Variants in FGD2 observed in about 807,000 individuals in gnomAD.
FGD2 encodes the protein FYVE, RhoGEF and PH domain-containing protein 2.
FGD2 carries 52 observed loss-of-function variants against 75.9 expected under a neutral mutation model. That is an observed-to-expected ratio of 0.69 (90% CI 0.55 to 0.86). FGD2 has a LOEUF of 0.86. Ranked by LOEUF, FGD2 falls within the 40% of genes least tolerant of loss-of-function variation. The pLI, the probability that FGD2 is intolerant of heterozygous loss-of-function variation, is 0.00. For synonymous variants in FGD2, 347 were observed against 348.6 expected, an observed-to-expected ratio of 1.00 and a Z score of 0.05; for missense variants, 790 against 872.0, an observed-to-expected ratio of 0.91 and a Z score of 1.18.
chr6:37,027,704 G>C, intron 15 of FGD2, 129 bp downstream of exon 15: 1 of 1,260,950 alleles, frequency 7.9e-7, no homozygotes, highest in Non-Finnish European at 1.1e-6. Context: ...ATGAGGATAT[G>C]GTATCCTGGA....
chr6:37,016,882 T>C (rs894425475), intron 9 of FGD2, among the ~76,000 whole-genome samples: 1 of 152,122 alleles, frequency 6.6e-6, no homozygotes, highest in African/African-American at 2.4e-5. Flanking sequence ...ACTTAAAAAA[T>C]ACAGATTATA....
In FGD2 at chr6:37,005,854, T is replaced by G. The variant is rs1045118771; in HGVS notation, c.37T>G (p.Ser13Ala). 4 of 1,613,968 alleles carry G rather than the reference T, an allele frequency of 2.5e-6. No individual in the cohort carries two copies. Among genetic ancestry groups the G allele is most frequent in the Non-Finnish European group, 2.5e-6 (3 of 1,179,976 alleles). Residue 13 changes from serine to alanine, a missense_variant, in exon 1 of 16, where the codon TCC (serine) becomes GCC (alanine). Physicochemically the swap from Ser to Ala is moderately conservative, Grantham distance 99. Coordinates refer to ENST00000274963, the MANE Select transcript of FGD2 (RefSeq NM_173558.4). ...GASEEKLASVSNLVTVFENSR... is the reference protein window; with the variant it reads ...GASEEKLASVANLVTVFENSR... ...AAGTGAGGAGAAGCTGGCATCTGTGTCCAACCTGGTCACTGTGTTTGAGAA... is the reference window on the plus strand; with the variant it reads ...AAGTGAGGAGAAGCTGGCATCTGTGGCCAACCTGGTCACTGTGTTTGAGAA...
rs555654341 is a variant in FGD2 at position 37,022,879 on chromosome 6, C to T, written c.1458+509C>T. ...GTATTACTACCTCATCTGGCCCTCA[C>T]AGCACACCTCAGGAGGCTGCTGTTT... On this transcript the variant is annotated intron_variant, in intron 13 of 15. Transcript: ENST00000274963. The T allele has an allele frequency of 3.8e-5, 6 of 156,710 alleles. 1 individual carries two copies. Among genetic ancestry groups the T allele is most frequent in the Middle Eastern group, 1.0e-3 (2 of 1,952 alleles). The allele number at this position is 156,710 out of a possible 1,614,324, so 9.7% of individuals were successfully genotyped here. A position where few individuals can be genotyped will look rare whatever the true frequency, so the allele number is the denominator to read the frequency against.
intron 9 of FGD2, among the ~76,000 whole-genome samples, chr6:37,018,283 C>CG (rs1233032454): frequency 1.5e-4 from 23 of 152,110 alleles, no homozygotes; most frequent in African/African-American, 5.3e-4. Flanking sequence ...CTGTGTGTGC[C>CG]GGGTCTCTGG....
chr6:37,016,932 G>A (rs1245161312), intron 9 of FGD2, among the ~76,000 whole-genome samples: 2 of 152,054 alleles, frequency 1.3e-5, no homozygotes, highest in Non-Finnish European at 2.9e-5. Flanking sequence ...TATATACAAT[G>A]AAAGTCTCCG....
intron 8 of FGD2, 29 bp from the exon 9 acceptor site, chr6:37,015,739 C>G: frequency 6.4e-7 from 1 of 1,558,348 alleles, no homozygotes; most frequent in South Asian, 1.2e-5. Context: ...GCCCCTGCCA[C>G]GGGCCACTCA....
At chr6:37,007,185 A>G (rs1171962143) in intron 1 of FGD2, among the ~76,000 whole-genome samples, 1 of 152,162 alleles carries the variant, frequency 6.6e-6, no homozygotes, top group Admixed American at 6.5e-5. Context: ...AATAACTATG[A>G]TGCAAGGTCA....
chr6:37,011,157 G>A (rs1398177532), intron 3 of FGD2, 107 bp downstream of exon 3: 2 of 1,099,144 alleles, frequency 1.8e-6, no homozygotes, highest in African/African-American at 1.6e-5. Context: ...AGGAGCCCTG[G>A]CTTTGACTCC....
At chr6:37,016,143 C>CTT (rs1765278089) in intron 9 of FGD2, among the ~76,000 whole-genome samples, 1 of 152,204 alleles carries the variant, frequency 6.6e-6, no homozygotes, top group Admixed American at 6.5e-5. Flanking sequence ...GCTTCAAAAA[C>CTT]TTTCATGTGT....
intron 13 of FGD2, chr6:37,024,471 G>A (rs562560325): frequency 6.6e-6 from 1 of 152,274 alleles, no homozygotes; most frequent in South Asian, 2.1e-4. Flanking sequence ...GTGTCATGAT[G>A]ACTGTAATTT....
Position 37,025,951 on chromosome 6 carries a change from G to A in FGD2, c.1605+13G>A, listed in dbSNP as rs371115767. 1 of 1,613,050 alleles carries A rather than the reference G, an allele frequency of 6.2e-7. No homozygotes were observed. Among genetic ancestry groups the A allele is most frequent in the African/African-American group, 1.3e-5 (1 of 74,892 alleles). Reference sequence around the variant, plus strand: ...GGGCATCCTGGAGGTGAGGGCCACTGTCCCCGCGCTCACCATCCGTCCTCT... The same window carrying A: ...GGGCATCCTGGAGGTGAGGGCCACTATCCCCGCGCTCACCATCCGTCCTCT... On this transcript the variant is annotated intron_variant, in intron 14 of 15. Coordinates refer to ENST00000274963, the MANE Select transcript of FGD2 (RefSeq NM_173558.4).
intron 6 of FGD2, 42 bp downstream of exon 6, chr6:37,014,142 A>G (rs776962232): frequency 1.9e-6 from 3 of 1,596,118 alleles, no homozygotes; most frequent in Non-Finnish European, 2.6e-6. Flanking sequence ...GAGGAGGCCT[A>G]AGCCATTCCC....
chr6:37,006,863 C>T (rs1471007795), intron 1 of FGD2, among the ~76,000 whole-genome samples: 1 of 152,032 alleles, frequency 6.6e-6, no homozygotes, highest in Non-Finnish European at 1.5e-5. Flanking sequence ...GAGGCCTCAG[C>T]CTGTCCCAGG....
chr6:37,014,345 G>A (rs1006066904), intron 6 of FGD2: 1 of 620,452 alleles, frequency 1.6e-6, no homozygotes, highest in South Asian at 2.0e-5. Flanking sequence ...TTGAACCCAT[G>A]CCTATGTGAT....
At position 37,014,113 on chromosome 6, in the gene FGD2, C is replaced by A. The variant is rs1370467361; in HGVS notation, c.823+13C>A. 2.5e-6 allele frequency: 4 copies of A among 1,611,156 alleles called. No homozygotes were observed. Among genetic ancestry groups the A allele is most frequent in the Non-Finnish European group, 3.4e-6 (4 of 1,178,690 alleles). On this transcript the variant is annotated intron_variant, in intron 6 of 15. Transcript: ENST00000274963. Reference sequence around the variant, plus strand: ...GCCGATGCCCAGAGTGAGGACACCCCCAGGGGTCCCAGGGGGCTGAGGAGG... The same window carrying A: ...GCCGATGCCCAGAGTGAGGACACCCACAGGGGTCCCAGGGGGCTGAGGAGG...
chr6:37,018,057 C>A lies in FGD2; in HGVS notation c.1122+2197C>A, dbSNP rs57420204. Among the ~76,000 whole-genome samples, 289 of 152,208 alleles carry A rather than the reference C, an allele frequency of 1.9e-3. 3 individuals are homozygous for A. The highest frequency in any genetic ancestry group is 6.5e-3 in the African/African-American group (270 of 41,526). On this transcript the variant is annotated intron_variant, in intron 9 of 15. Coordinates refer to ENST00000274963, the MANE Select transcript of FGD2 (RefSeq NM_173558.4). ...TGTCTGGAGTCCTTGGTGAGTGAGG[C>A]TGAGAAAGGCAGGTTTATAGAGAGC...
At chr6:37,023,816 C>T (rs967287808) in intron 13 of FGD2, 2 of 152,222 alleles carry the variant, frequency 1.3e-5, no homozygotes, top group Non-Finnish European at 2.9e-5. Context: ...AATTGATTCA[C>T]ACTTGTGAGT....
rs756501016 is a variant in FGD2, at chr6:37,028,029, C to G, written c.1834C>G (p.Leu612Val). 7 of 1,613,558 alleles carry G rather than the reference C, an allele frequency of 4.3e-6. No homozygotes were observed. The Admixed American group carries it at 1.2e-4, about 27-fold the overall frequency. ...CCAGGGGGACCCTCGGGTCTTCCAG[C>G]TACAGCAGTCAGGCCAGCTCTACAC... ...GPQGDPRVFQ[L>V]QQSGQLYTFK... The change falls in exon 16 of 16, where the codon CTA becomes GTA. Residue 612 changes from leucine to valine, a missense_variant. Leu to Val is a conservative substitution (Grantham distance 32). Coordinates refer to ENST00000274963, the MANE Select transcript of FGD2 (RefSeq NM_173558.4).
rs1026830325 is a variant in FGD2, at chr6:37,005,714, G to A, written c.-104G>A. On this transcript the variant is annotated 5_prime_UTR_variant, in exon 1 of 16. The change creates a new upstream start codon in the 5' untranslated region. Coordinates refer to ENST00000274963, the MANE Select transcript of FGD2 (RefSeq NM_173558.4). ...AAGAAAGATCAGAACAGATTCATGG[G>A]TGATTTAGCCTATCTGTCCCAGGCC... is the stretch of plus-strand genomic sequence containing the variant. 9 of 1,208,398 alleles carry A rather than the reference G, an allele frequency of 7.4e-6. No homozygotes were observed. The highest frequency in any genetic ancestry group is 1.1e-5 in the Non-Finnish European group (9 of 828,290). 74.9% of individuals were successfully genotyped at this position (1,208,398 alleles called of 1,614,324 possible).
Sources: gnomAD v4.1 joint callset for allele counts (sites outside exome capture counted in the v4.1 genomes callset) on GRCh38, gnomAD v4.1.1 for gene constraint, MANE v1.5 for transcripts, NCBI Gene and HGNC (gene_info 2026-07-23, HGNC 2026-07-21) for gene names.